GNAQ: variants seen among roughly 807,000 people sequenced by gnomAD.
GNAQ encodes the protein guanine nucleotide-binding protein G(q) subunit alpha.
A neutral mutation model predicts 43.9 loss-of-function variants in GNAQ; 8 were observed. The ratio of observed to expected loss-of-function variants is 0.18; its 90% CI spans 0.11 to 0.33. GNAQ has a LOEUF of 0.33. GNAQ is among the 10% of genes least tolerant of loss of function. GNAQ has a pLI of 1.00. For synonymous variants in GNAQ, 155 were observed against 170.7 expected (o/e 0.91, Z 0.71); for missense variants, 158 against 450.8 (o/e 0.35, Z 5.88).
chr9:77,906,886 T>A (rs547683445), intron 2 of GNAQ, among the ~76,000 whole-genome samples: 2 of 152,350 alleles, frequency 1.3e-5, no homozygotes, highest in East Asian at 3.9e-4. Context: ...TACATTTGTA[T>A]GTGCAAAGTT....
intron 3 of GNAQ, among the ~76,000 whole-genome samples, chr9:77,807,967 C>T (rs1359764873): frequency 2.6e-5 from 4 of 152,082 alleles, no homozygotes; most frequent in Non-Finnish European, 4.4e-5. Flanking sequence ...TAAAAATAGG[C>T]AGCAGGCCAA....
rs541334696 is a variant in GNAQ, at chr9:78,006,059, C to T, written c.136+25041G>A. On this transcript the variant is annotated intron_variant, in intron 1 of 6. Transcript: ENST00000286548. ...CTTACTATGTTAACTCTTTCCTGTA[C>T]GGGGTCACAAATGGATTCCTGGAAC... Among the ~76,000 whole-genome samples the T allele has an allele frequency of 9.2e-5, 14 of 152,174 alleles. No individual in the cohort carries two copies. The South Asian group carries it at 1.5e-3, about 16-fold the overall frequency.
chr9:77,836,721 T>C (rs969554696), intron 2 of GNAQ, among the ~76,000 whole-genome samples: 1 of 152,214 alleles, frequency 6.6e-6, no homozygotes. Flanking sequence ...CTGAATCTAG[T>C]AGTATCCAAA....
At chr9:77,903,531 C>G (rs1220819358) in intron 2 of GNAQ, among the ~76,000 whole-genome samples, 1 of 152,156 alleles carries the variant, frequency 6.6e-6, no homozygotes, top group Non-Finnish European at 1.5e-5. Context: ...TGAGCTCTCA[C>G]TAAATGATAA....
At chr9:77,753,628 CAGAA>C (rs368045290) in intron 5 of GNAQ, among the ~76,000 whole-genome samples, 348 of 152,190 alleles carry the variant, frequency 2.3e-3, no homozygotes, top group African/African-American at 7.0e-3. Context: ...TTGAGGGTGA[CAGAA>C]AGAGGAAGTA....
At chr9:77,742,367 CAA>C (rs1825666140) in intron 5 of GNAQ, among the ~76,000 whole-genome samples, 1 of 151,914 alleles carries the variant, frequency 6.6e-6, no homozygotes, top group Non-Finnish European at 1.5e-5. Flanking sequence ...CATTTTTTGA[CAA>C]AAAGTATTAA....
At chr9:77,996,037 A>G (rs150102919) in intron 1 of GNAQ, among the ~76,000 whole-genome samples, 7 of 152,296 alleles carry the variant, frequency 4.6e-5, no homozygotes, top group Non-Finnish European at 1.0e-4. Context: ...CCCCTTATTC[A>G]CATCTAGCAA....
chr9:77,851,150 G>A (rs1452307272), intron 2 of GNAQ, among the ~76,000 whole-genome samples: 1 of 152,168 alleles, frequency 6.6e-6, no homozygotes, highest in Non-Finnish European at 1.5e-5. Context: ...ACTCAACAAG[G>A]TCATTTCTTC....
chr9:77,803,672 T>C (rs942775032), intron 3 of GNAQ, among the ~76,000 whole-genome samples: 1 of 152,212 alleles, frequency 6.6e-6, no homozygotes, highest in African/African-American at 2.4e-5. Context: ...AGTTTATCAA[T>C]TTGTGGGGAA....
intron 5 of GNAQ, among the ~76,000 whole-genome samples, chr9:77,782,890 C>G (rs1165585665): frequency 6.6e-6 from 1 of 152,150 alleles, no homozygotes; most frequent in Non-Finnish European, 1.5e-5. Flanking sequence ...AGAAGCCAAT[C>G]TGAAAAGGCT....
intron 2 of GNAQ, among the ~76,000 whole-genome samples, chr9:77,824,916 A>C (rs192584945): frequency 1.3e-5 from 2 of 152,360 alleles, no homozygotes; most frequent in Admixed American, 1.3e-4. Context: ...CTCGGAAAGA[A>C]AGTCATTTGA....
chr9:77,821,724 G>GGTGGGTGTGT (rs1827116952), intron 2 of GNAQ, among the ~76,000 whole-genome samples: 1 of 142,308 alleles, frequency 7.0e-6, no homozygotes, highest in African/African-American at 2.7e-5. Flanking sequence ...TCCTAGTATG[G>GGTGGGTGTGT]GTGTGTGTGT....
At chr9:77,793,302 T>C (rs1826606192) in intron 5 of GNAQ, among the ~76,000 whole-genome samples, 1 of 152,130 alleles carries the variant, frequency 6.6e-6, no homozygotes, top group African/African-American at 2.4e-5. Flanking sequence ...ACAGAAGTTA[T>C]TTGGTTAACT....
rs1315789805 is a variant in GNAQ at position 77,855,774 on chromosome 9, G to A, written c.322-40004C>T. On this transcript the variant is annotated intron_variant, in intron 2 of 6. Coordinates refer to ENST00000286548, the MANE Select transcript of GNAQ (RefSeq NM_002072.5). ...ATAAAATGAACTCTCAAAAAAAAAA[G>A]CCCTCTGCCATTTGCTATAAAAGTC... is the stretch of plus-strand genomic sequence containing the variant. 5.3e-5 allele frequency among the ~76,000 whole-genome samples: 8 copies of A among 151,114 alleles called. No individual in the cohort carries two copies. The East Asian group carries it at 1.6e-3, about 29-fold the overall frequency.
intron 2 of GNAQ, among the ~76,000 whole-genome samples, chr9:77,915,927 T>C (rs970581660): frequency 1.7e-4 from 26 of 152,330 alleles, no homozygotes; most frequent in African/African-American, 4.6e-4. Flanking sequence ...CCACCAACTG[T>C]ACCCAGATTT....
intron 2 of GNAQ, among the ~76,000 whole-genome samples, chr9:77,899,008 T>C (rs1002934320): frequency 1.3e-5 from 2 of 152,244 alleles, no homozygotes; most frequent in African/African-American, 4.8e-5. Context: ...TACTATAATT[T>C]ACTTCCTTAT....
intron 5 of GNAQ, among the ~76,000 whole-genome samples, chr9:77,747,858 T>C (rs1169240804): frequency 6.6e-6 from 1 of 152,238 alleles, no homozygotes; most frequent in African/African-American, 2.4e-5. Context: ...ACATGCTACC[T>C]CAATTAGTTC....
chr9:77,962,052 A>G (rs4433211), intron 1 of GNAQ, among the ~76,000 whole-genome samples: 151,348 of 152,178 alleles, frequency 0.99, 75,261 homozygotes, highest in East Asian at 1. Context: ...TACAACAGAT[A>G]GAAATAAGAG....
intron 1 of GNAQ, among the ~76,000 whole-genome samples, chr9:77,936,844 T>C (rs1829239972): frequency 6.6e-6 from 1 of 151,964 alleles, no homozygotes; most frequent in African/African-American, 2.4e-5. Context: ...CACCATCAAC[T>C]TTTTTTTAGA....
Sources: gnomAD v4.1 joint callset for allele counts (sites outside exome capture counted in the v4.1 genomes callset) on GRCh38, gnomAD v4.1.1 for gene constraint, MANE v1.5 for transcripts, NCBI Gene and HGNC (gene_info 2026-07-23, HGNC 2026-07-21) for gene names.